The following RORA variants were observed in gnomAD, a reference collection of about 807,000 sequenced individuals.
RORA encodes the protein nuclear receptor ROR-alpha.
Under a neutral mutation model 69.5 loss-of-function variants are expected in RORA, and 7 were observed. That is an observed-to-expected ratio of 0.10 (90% confidence interval 0.06 to 0.19). RORA has a LOEUF of 0.19. Ranked by LOEUF, RORA falls within the 10% of genes least tolerant of loss-of-function variation. The pLI, the probability that RORA is intolerant of heterozygous loss-of-function variation, is 1.00. For missense variants in RORA, 457 were observed against 663.0 expected (o/e 0.69, Z 3.41); for synonymous variants, 261 against 240.8 (o/e 1.08, Z -0.78).
intron 2 of RORA, among the ~76,000 whole-genome samples, chr15:60,552,936 C>T (rs2067263134): frequency 6.6e-6 from 1 of 152,122 alleles, no homozygotes; most frequent in Non-Finnish European, 1.5e-5. Flanking sequence ...GATAGACAGC[C>T]TTGGACCCCA....
chr15:61,115,075 C>CT (rs1469329661), intron 1 of RORA, among the ~76,000 whole-genome samples: 1 of 152,156 alleles, frequency 6.6e-6, no homozygotes, highest in Non-Finnish European at 1.5e-5. Flanking sequence ...TGGCAGGAGT[C>CT]TGTGGCTTCC....
intron 1 of RORA, among the ~76,000 whole-genome samples, chr15:61,122,726 C>A (rs529729946): frequency 6.6e-6 from 1 of 152,168 alleles, no homozygotes; most frequent in African/African-American, 2.4e-5. Context: ...TCTCTGGTAT[C>A]CAGAAATTGC....
Position 60,492,718 on chromosome 15 carries a change from C to G in RORA, c.*4737G>C, listed in dbSNP as rs963530812. On this transcript the variant is annotated 3_prime_UTR_variant, in exon 11 of 11. Coordinates refer to ENST00000335670, the MANE Select transcript of RORA (RefSeq NM_134261.3). ...CAAGGACTATACTTTGAATGATGCT[C>G]TTTGCTGGTACATTATTAATTTATC... The G allele has an allele frequency of 6.6e-6, 1 of 152,098 alleles. No homozygotes were observed. Among genetic ancestry groups the G allele is most frequent in the African/African-American group, 2.4e-5 (1 of 41,420 alleles). The allele number at this position is 152,098 out of a possible 1,614,324, so 9.4% of individuals were successfully genotyped here. A position where few individuals can be genotyped will look rare whatever the true frequency, so the allele number is the denominator to read the frequency against.
intron 2 of RORA, among the ~76,000 whole-genome samples, chr15:60,615,301 G>T (rs572435213): frequency 6.6e-6 from 1 of 152,162 alleles, no homozygotes; most frequent in Admixed American, 6.5e-5. Context: ...CCTTGAGATC[G>T]AGTGCTTCTA....
rs75950702 is a variant in RORA, at chr15:61,186,337, T to C, written c.166+42716A>G. Among the ~76,000 whole-genome samples the C allele has an allele frequency of 4.8e-3, 733 of 152,164 alleles. 4 individuals carry two copies. Among genetic ancestry groups the C allele is most frequent in the African/African-American group, 0.017 (701 of 41,502 alleles). On this transcript the variant is annotated intron_variant, in intron 1 of 10. Transcript: ENST00000335670. ...TGTGCATCAGAACCACCTGAAAAGC[T>C]TGTTAAGAATCCAGATGCCCTGGCC...
At chr15:61,121,318 A>G (rs532436707) in intron 1 of RORA, among the ~76,000 whole-genome samples, 6 of 152,316 alleles carry the variant, frequency 3.9e-5, no homozygotes, top group East Asian at 3.9e-4. Context: ...GGAGGGATGC[A>G]TATGTCTCCG....
intron 1 of RORA, among the ~76,000 whole-genome samples, chr15:61,078,321 A>C (rs1001331340): frequency 7.5e-6 from 1 of 132,958 alleles, no homozygotes; most frequent in Admixed American, 7.8e-5. Flanking sequence ...GTGCCACCAC[A>C]CCTGGCTCTG....
intron 1 of RORA, among the ~76,000 whole-genome samples, chr15:60,959,859 A>G (rs1893367053): frequency 6.6e-6 from 1 of 152,158 alleles, no homozygotes; most frequent in Admixed American, 6.5e-5. Flanking sequence ...TGGTAGAGAC[A>G]TATCTGTGAA....
chr15:60,499,377 A>G (rs1480655427), intron 10 of RORA, among the ~76,000 whole-genome samples: 1 of 152,138 alleles, frequency 6.6e-6, no homozygotes, highest in African/African-American at 2.4e-5. Context: ...TACAAAAAAT[A>G]ATTAATAAAT....
At chr15:61,004,450 G>C (rs188400829) in intron 1 of RORA, among the ~76,000 whole-genome samples, 35 of 151,396 alleles carry the variant, frequency 2.3e-4, no homozygotes, top group African/African-American at 7.5e-4. Context: ...ATTTCTGCAA[G>C]GTCCAGAGTC....
intron 1 of RORA, among the ~76,000 whole-genome samples, chr15:60,918,168 T>C (rs1318333847): frequency 1.3e-5 from 2 of 152,236 alleles, no homozygotes; most frequent in African/African-American, 4.8e-5. Context: ...ATATAACTAG[T>C]GTGTGGGACT....
chr15:60,568,848 G>T (rs1159274488), intron 2 of RORA, among the ~76,000 whole-genome samples: 1 of 152,120 alleles, frequency 6.6e-6, no homozygotes, highest in Non-Finnish European at 1.5e-5. Context: ...TGCAAGGACG[G>T]AACAGGGAGT....
chr15:60,639,069 T>A (rs758040345), intron 2 of RORA, among the ~76,000 whole-genome samples: 3 of 152,122 alleles, frequency 2.0e-5, no homozygotes, highest in Non-Finnish European at 4.4e-5. Context: ...ATTAGTCACT[T>A]TAAGTATCAG....
At chr15:61,127,768 T>C (rs2079155885) in intron 1 of RORA, among the ~76,000 whole-genome samples, 1 of 152,194 alleles carries the variant, frequency 6.6e-6, no homozygotes, top group Admixed American at 6.5e-5. Flanking sequence ...TTGTCATCAT[T>C]AACACGGGCC....
intron 7 of RORA, among the ~76,000 whole-genome samples, 181 bp downstream of exon 7, chr15:60,503,354 G>A (rs944955460): frequency 2.6e-5 from 4 of 152,120 alleles, no homozygotes; most frequent in Non-Finnish European, 4.4e-5. Context: ...AAAAGTGGGG[G>A]GAATGTTTCC....
At chr15:60,833,696 G>C (rs921180851) in intron 1 of RORA, among the ~76,000 whole-genome samples, 3 of 152,026 alleles carry the variant, frequency 2.0e-5, no homozygotes, top group African/African-American at 7.2e-5. Flanking sequence ...TATGAATTTG[G>C]CATATAATTA....
At chr15:60,873,116 T>C (rs947923974) in intron 1 of RORA, among the ~76,000 whole-genome samples, 3 of 152,190 alleles carry the variant, frequency 2.0e-5, no homozygotes, top group African/African-American at 7.2e-5. Context: ...CCAGAGCCTC[T>C]TGTGCCCAGA....
chr15:60,584,240 C>T (rs1033634469), intron 2 of RORA, among the ~76,000 whole-genome samples: 8 of 152,320 alleles, frequency 5.3e-5, no homozygotes, highest in South Asian at 4.1e-4. Context: ...CCCAGGGATC[C>T]GCCTTCTTAA....
intron 1 of RORA, among the ~76,000 whole-genome samples, chr15:61,162,196 C>T (rs2079501798): frequency 6.6e-6 from 1 of 152,076 alleles, no homozygotes; most frequent in Non-Finnish European, 1.5e-5. Flanking sequence ...ATGTTCTTTG[C>T]AGTGTAATGT....
Sources: gnomAD v4.1 joint callset for allele counts (sites outside exome capture counted in the v4.1 genomes callset) on GRCh38, gnomAD v4.1.1 for gene constraint, MANE v1.5 for transcripts, NCBI Gene and HGNC (gene_info 2026-07-23, HGNC 2026-07-21) for gene names.